The following VWC2 variants were observed in gnomAD, a reference collection of about 807,000 sequenced individuals.
VWC2 encodes brorin.
In VWC2, 14 loss-of-function variants were observed where a neutral mutation model predicts 29.8. The observed-to-expected ratio is 0.47, with a 90% CI of 0.31 to 0.74. The LOEUF (loss-of-function observed/expected upper bound fraction) is 0.74. Ranked by LOEUF, VWC2 falls within the 30% of genes least tolerant of loss-of-function variation. The pLI is 0.05. For missense variants in VWC2, 457 were observed against 459.8 expected, an observed-to-expected ratio of 0.99 and a Z score of 0.05; for synonymous variants, 213 against 199.0, an observed-to-expected ratio of 1.07 and a Z score of -0.59.
chr7:49,919,246 C>G lies in VWC2; in HGVS notation c.*7061C>G, dbSNP rs1209594254. The stretch of plus-strand genomic sequence containing the variant: ...TCTATGTGTCAACTGCAATTTAGAC[C>G]TGGGTGATAGAGTCATATATGGTCT... On this transcript the variant is annotated 3_prime_UTR_variant, in exon 4 of 4. Coordinates refer to ENST00000340652, the MANE Select transcript of VWC2 (RefSeq NM_198570.5). The G allele has an allele frequency of 6.6e-6, 1 of 152,030 alleles. No individual in the cohort carries two copies. The highest frequency in any genetic ancestry group is 6.6e-5 in the Admixed American group (1 of 15,256). The allele number at this position is 152,030 out of a possible 1,614,324, so 9.4% of individuals were successfully genotyped here. A position where few individuals can be genotyped will look rare whatever the true frequency, so the allele number is the denominator to read the frequency against.
chr7:49,828,968 C>G lies in VWC2; in HGVS notation c.826+26128C>G, dbSNP rs1789465068. ...TGCTAAGCCTGCTTGCTCTGCTCTA[C>G]CAATTCCTTCCCACGGAACCCACAC... On this transcript the variant is annotated intron_variant, in intron 3 of 3. Coordinates refer to ENST00000340652, the MANE Select transcript of VWC2 (RefSeq NM_198570.5). 5.9e-5 allele frequency among the ~76,000 whole-genome samples: 9 copies of G among 152,282 alleles called. No individual in the cohort carries two copies. In the South Asian group the frequency reaches 1.9e-3, roughly 32 times the overall value.
chr7:49,865,433 C>A (rs141353714), intron 3 of VWC2, among the ~76,000 whole-genome samples: 1 of 152,172 alleles, frequency 6.6e-6, no homozygotes, highest in African/African-American at 2.4e-5. Flanking sequence ...AACCGCAAAA[C>A]GTAGTGGCTT....
intron 3 of VWC2, among the ~76,000 whole-genome samples, chr7:49,804,170 T>C (rs1338738202): frequency 6.6e-6 from 1 of 151,074 alleles, no homozygotes; most frequent in African/African-American, 2.4e-5. Flanking sequence ...GTGTTTTTTT[T>C]TTAAAAAAAA....
chr7:49,806,325 G>A (rs1038281807), intron 3 of VWC2, among the ~76,000 whole-genome samples: 1 of 152,184 alleles, frequency 6.6e-6, no homozygotes, highest in Non-Finnish European at 1.5e-5. Flanking sequence ...GATAAAAGTA[G>A]GACATTGGTG....
intron 3 of VWC2, among the ~76,000 whole-genome samples, chr7:49,831,435 A>ACTAACCT (rs1273047478): frequency 3.3e-5 from 5 of 152,222 alleles, no homozygotes; most frequent in African/African-American, 1.2e-4. Context: ...GAGAACATGT[A>ACTAACCT]GGGACTTCAG....
intron 2 of VWC2, among the ~76,000 whole-genome samples, chr7:49,789,554 T>C (rs1788416906): frequency 6.6e-6 from 1 of 152,202 alleles, no homozygotes; most frequent in Non-Finnish European, 1.5e-5. Flanking sequence ...CACACCTGTC[T>C]TTTAAAAGTC....
intron 3 of VWC2, among the ~76,000 whole-genome samples, chr7:49,803,532 G>A (rs1057066249): frequency 4.6e-5 from 7 of 152,204 alleles, no homozygotes; most frequent in East Asian, 3.8e-4. Flanking sequence ...GGGAAACAGC[G>A]GACAGAGGGG....
intron 3 of VWC2, among the ~76,000 whole-genome samples, chr7:49,820,241 T>A (rs772671287): frequency 1.3e-5 from 2 of 151,944 alleles, no homozygotes; most frequent in Non-Finnish European, 2.9e-5. Flanking sequence ...CCATTTGGAG[T>A]GCTGGAAACA....
At chr7:49,787,479 T>C (rs1051643455) in intron 2 of VWC2, among the ~76,000 whole-genome samples, 1 of 152,208 alleles carries the variant, frequency 6.6e-6, no homozygotes, top group Admixed American at 6.5e-5. Flanking sequence ...CCTCCCCACC[T>C]GGTGACACTG....
chr7:49,835,413 G>A (rs1789633565), intron 3 of VWC2, among the ~76,000 whole-genome samples: 1 of 152,194 alleles, frequency 6.6e-6, no homozygotes, highest in Non-Finnish European at 1.5e-5. Flanking sequence ...TTAAATGCAT[G>A]GTGGGGGCTG....
At chr7:49,778,290 A>C in intron 2 of VWC2, among the ~76,000 whole-genome samples, 1 of 152,184 alleles carries the variant, frequency 6.6e-6, no homozygotes, top group East Asian at 1.9e-4. Context: ...TGGAAAGATT[A>C]CAATCTTAGG....
At chr7:49,836,418 A>G (rs1233758090) in intron 3 of VWC2, among the ~76,000 whole-genome samples, 2 of 150,640 alleles carry the variant, frequency 1.3e-5, no homozygotes, top group Non-Finnish European at 3.0e-5. Context: ...CACTTGAGGT[A>G]GCGAGTTCAA....
intron 3 of VWC2, among the ~76,000 whole-genome samples, chr7:49,877,778 T>C (rs1207156565): frequency 6.6e-6 from 1 of 151,362 alleles, no homozygotes; most frequent in Non-Finnish European, 1.5e-5. Flanking sequence ...AGCCATATTA[T>C]TATTGTTGTC....
chr7:49,819,467 G>A (rs774789275), intron 3 of VWC2, among the ~76,000 whole-genome samples: 7 of 152,194 alleles, frequency 4.6e-5, no homozygotes, highest in Non-Finnish European at 8.8e-5. Context: ...CAAAACACGG[G>A]CCATGCTGTG....
intron 2 of VWC2, among the ~76,000 whole-genome samples, chr7:49,787,800 C>G (rs1788333372): frequency 6.6e-6 from 1 of 152,190 alleles, no homozygotes; most frequent in Non-Finnish European, 1.5e-5. Flanking sequence ...AGCCTCCCAG[C>G]TCAGGGTAAC....
At chr7:49,896,757 A>T (rs1308998394) in intron 3 of VWC2, among the ~76,000 whole-genome samples, 7 of 151,956 alleles carry the variant, frequency 4.6e-5, no homozygotes. Flanking sequence ...ATTATCAGCG[A>T]CTCTATGCAC....
At chr7:49,843,262 C>T (rs914851873) in intron 3 of VWC2, among the ~76,000 whole-genome samples, 1 of 152,152 alleles carries the variant, frequency 6.6e-6, no homozygotes, top group South Asian at 2.1e-4. Flanking sequence ...AATTCAAATT[C>T]TGGTTTAAAC....
chr7:49,876,089 T>C (rs904415911), intron 3 of VWC2, among the ~76,000 whole-genome samples: 2 of 152,190 alleles, frequency 1.3e-5, no homozygotes, highest in African/African-American at 4.8e-5. Context: ...TTGAAGTTTG[T>C]ACTTCTGGAA....
At chr7:49,845,708 A>T (rs778665886) in intron 3 of VWC2, among the ~76,000 whole-genome samples, 17 of 152,376 alleles carry the variant, frequency 1.1e-4, no homozygotes, top group Middle Eastern at 3.4e-3. Flanking sequence ...AGACCTTGAC[A>T]TTGTAACAAA....
Sources: gnomAD v4.1 joint callset for allele counts (sites outside exome capture counted in the v4.1 genomes callset) on GRCh38, gnomAD v4.1.1 for gene constraint, MANE v1.5 for transcripts, NCBI Gene and HGNC (gene_info 2026-07-23, HGNC 2026-07-21) for gene names.